Variants in AKAP3 observed in about 807,000 individuals in gnomAD.
The protein encoded by AKAP3 is A-kinase anchor protein 3.
AKAP3 carries 27 observed loss-of-function variants against 57.2 expected under a neutral mutation model. The ratio of observed to expected loss-of-function variants is 0.47; its 90% CI spans 0.35 to 0.65. The LOEUF (loss-of-function observed/expected upper bound fraction) is 0.65. Ranked by LOEUF, AKAP3 falls within the 30% of genes least tolerant of loss-of-function variation. AKAP3 has a pLI of 0.01. For synonymous variants in AKAP3, 334 were observed against 392.3 expected (o/e 0.85, Z 1.76); for missense variants, 959 against 1,040.0 (o/e 0.92, Z 1.07).
At chr12:4,631,506 T>G in intron 4 of AKAP3, 1 of 586,042 alleles carries the variant, frequency 1.7e-6, no homozygotes, top group South Asian at 2.2e-5. Context: ...AAATGTTAGA[T>G]GTAAGCAGCA....
intron 4 of AKAP3, among the ~76,000 whole-genome samples, chr12:4,629,625 T>C (rs1312960253): frequency 6.6e-6 from 1 of 151,762 alleles, no homozygotes. Context: ...CCCCTGAACT[T>C]AAAATAAAAG....
chr12:4,630,718 T>C (rs1482933186), intron 4 of AKAP3, among the ~76,000 whole-genome samples: 16 of 152,204 alleles, frequency 1.1e-4, no homozygotes, highest in Admixed American at 1.0e-3. Flanking sequence ...CTGTTAACTA[T>C]AGACAACTGA....
chr12:4,626,871 C>T lies in AKAP3; in HGVS notation c.2031G>A (p.Val677=). 6.2e-7 allele frequency: 1 copy of T among 1,612,352 alleles called. No homozygotes were observed. Among genetic ancestry groups the T allele is most frequent in the Non-Finnish European group, 8.5e-7 (1 of 1,179,636 alleles). The change falls in exon 5 of 6, where the codon GTG becomes GTA. Residue 677 remains valine (V), a synonymous_variant. Transcript: ENST00000228850. ...TAGCAATGATGACACACAGCTTCAT[C>T]ACTGAGTTCATCAGATGTTCTACCA... ...GQMVEHLMNS[V]MKLCVIIAKS...
At chr12:4,641,581 A>G (rs994961914) in intron 3 of AKAP3, among the ~76,000 whole-genome samples, 3 of 152,222 alleles carry the variant, frequency 2.0e-5, no homozygotes, top group African/African-American at 7.2e-5. Flanking sequence ...GTTAAACTCT[A>G]TAATGTCCTC....
Position 4,628,212 on chromosome 12 carries a change from T to C in AKAP3, c.690A>G (p.Pro230=), listed in dbSNP as rs761811214. The C allele has an allele frequency of 1.2e-6, 2 of 1,614,152 alleles. No homozygotes were observed. Among genetic ancestry groups the C allele is most frequent in the Non-Finnish European group, 1.7e-6 (2 of 1,180,002 alleles). ...IKESTKERQG[P]DDKPPSKKSF... is the part of the protein sequence containing the mutation. Reference sequence around the variant, plus strand: ...ACTTCTTAGAAGGAGGCTTGTCATCTGGACCCTGTCTTTCTTTGGTGCTCT... The same window carrying C: ...ACTTCTTAGAAGGAGGCTTGTCATCCGGACCCTGTCTTTCTTTGGTGCTCT... Residue 230 remains proline, a synonymous_variant, in exon 5 of 6, where the codon CCA becomes CCG. Coordinates refer to ENST00000228850, the MANE Select transcript of AKAP3 (RefSeq NM_001278309.2).
At chr12:4,629,217 T>C (rs534719715) in intron 4 of AKAP3, among the ~76,000 whole-genome samples, 1 of 152,340 alleles carries the variant, frequency 6.6e-6, no homozygotes, top group South Asian at 2.1e-4. Context: ...ATCTTTAAGA[T>C]TGGATAGTCT....
chr12:4,647,326 GC>G (rs1480587264), intron 1 of AKAP3, among the ~76,000 whole-genome samples: 1 of 151,844 alleles, frequency 6.6e-6, no homozygotes, highest in Non-Finnish European at 1.5e-5. Flanking sequence ...CCAGGTCACA[GC>G]TAACGAATGA....
chr12:4,633,560 C>T (rs1039254544), intron 4 of AKAP3, among the ~76,000 whole-genome samples: 3 of 151,960 alleles, frequency 2.0e-5, no homozygotes, highest in Admixed American at 1.3e-4. Context: ...TCTCTTCAAA[C>T]CCCCTTGCCC....
intron 4 of AKAP3, among the ~76,000 whole-genome samples, chr12:4,632,632 GTTTGTT>G (rs372895920): frequency 0.017 from 2,556 of 151,874 alleles, 76 homozygotes; most frequent in South Asian, 0.11. Context: ...CTTTTTGTTT[GTTTGTT>G]TTTGTTTTTG....
At chr12:4,622,464 C>G (rs1171095162) in intron 5 of AKAP3, among the ~76,000 whole-genome samples, 1 of 151,960 alleles carries the variant, frequency 6.6e-6, no homozygotes. Flanking sequence ...ATAGAGAGCC[C>G]AAAAATAAGG....
At chr12:4,629,124 T>C (rs1440197640) in intron 4 of AKAP3, among the ~76,000 whole-genome samples, 1 of 152,246 alleles carries the variant, frequency 6.6e-6, no homozygotes, top group Non-Finnish European at 1.5e-5. Flanking sequence ...TAACCATTGA[T>C]GGAGCAGAAA....
rs1327514341 is a variant in AKAP3, at chr12:4,627,798, T to C, written c.1104A>G (p.Gln368=). 7 of 1,614,064 alleles carry C rather than the reference T, an allele frequency of 4.3e-6. No individual in the cohort carries two copies. In the East Asian group the frequency reaches 1.6e-4, roughly 36 times the overall value. The part of the protein sequence containing the change: ...VKRTVFSHGS[Q]KATDIMDAML... ...TGGCATCCATGATATCTGTGGCCTT[T>C]TGGCTTCCATGAGAGAAGACAGTTC... The change falls in exon 5 of 6, where the codon CAA becomes CAG. Residue 368 remains glutamine (Q), a synonymous_variant. Transcript: ENST00000228850.
At chr12:4,634,126 G>A (rs1243243237) in intron 4 of AKAP3, among the ~76,000 whole-genome samples, 1 of 151,964 alleles carries the variant, frequency 6.6e-6, no homozygotes, top group African/African-American at 2.4e-5. Context: ...AATCATCTCT[G>A]ACACACATAT....
At chr12:4,620,595 C>T (rs2137425807) in intron 5 of AKAP3, among the ~76,000 whole-genome samples, 1 of 151,754 alleles carries the variant, frequency 6.6e-6, no homozygotes, top group South Asian at 2.1e-4. Flanking sequence ...CAGTCATACA[C>T]TGCATAATGA....
Position 4,628,605 on chromosome 12 carries a change from A to T in AKAP3, c.297T>A (p.Phe99Leu), listed in dbSNP as rs756389628. The T allele has an allele frequency of 2.5e-6, 4 of 1,614,214 alleles. No homozygotes were observed. The highest frequency in any genetic ancestry group is 3.3e-5 in the Admixed American group (2 of 60,028). The stretch of plus-strand genomic sequence containing the variant: ...AAGGAATCTCTTTGTGAGTCATCTC[A>T]AAATGCAATCTTTCTGGAGTGCCCT... ...TTKGTPERLH[F>L]EMTHKEIPCQ... Residue 99 changes from phenylalanine to leucine, a missense_variant, in exon 5 of 6, where the codon TTT becomes TTA. Physicochemically the swap from Phe to Leu is conservative, Grantham distance 22. Transcript: ENST00000228850.
chr12:4,635,611 A>C, intron 4 of AKAP3: 1 of 742,378 alleles, frequency 1.3e-6, no homozygotes, highest in Middle Eastern at 2.5e-4. Flanking sequence ...AAGCTATTAC[A>C]ATATCAGGAC....
intron 4 of AKAP3, among the ~76,000 whole-genome samples, chr12:4,636,709 T>A (rs538849900): frequency 6.6e-6 from 1 of 152,332 alleles, no homozygotes; most frequent in South Asian, 2.1e-4. Flanking sequence ...AGAAGATGGG[T>A]CATTTGCATT....
intron 4 of AKAP3, among the ~76,000 whole-genome samples, chr12:4,636,356 T>C (rs1945565796): frequency 6.6e-6 from 1 of 152,246 alleles, no homozygotes. Context: ...ATCTGCTCTT[T>C]GGGCTGCTAC....
chr12:4,627,405 A>G lies in AKAP3; in HGVS notation c.1497T>C (p.Asp499=), dbSNP rs1301145195. ...ASDISFEYPE[D]IGNLSLPPYP... ...ATGGAGGAAGGCTGAGGTTGCCAAT[A>G]TCTTCAGGGTACTCAAAGGAAATGT... Residue 499 remains aspartate, a synonymous_variant, in exon 5 of 6, where the codon GAT becomes GAC. Transcript: ENST00000228850. 15 of 1,613,898 alleles carry G rather than the reference A, an allele frequency of 9.3e-6. No individual in the cohort carries two copies.
Sources: allele counts gnomAD v4.1 joint callset (sites outside exome capture counted in the v4.1 genomes callset), GRCh38; gene constraint gnomAD v4.1.1; transcripts MANE v1.5; gene names NCBI Gene and HGNC (gene_info 2026-07-23, HGNC 2026-07-21).